The following ARHGEF37 variants were observed in gnomAD, a reference collection of about 807,000 sequenced individuals.
ARHGEF37 encodes Rho guanine nucleotide exchange factor (GEF) 37.
ARHGEF37 carries 55 observed loss-of-function variants against 71.1 expected under a neutral mutation model. The ratio of observed to expected loss-of-function variants is 0.77; its 90% CI spans 0.62 to 0.97. The LOEUF is 0.97. Among genes scored for constraint, ARHGEF37 ranks in the 50% least tolerant of loss-of-function variants. The probability of loss-of-function intolerance (pLI) is 0.00; values close to 1 mark genes in which losing one functional copy is unlikely to be tolerated. For missense variants in ARHGEF37, 765 were observed against 836.8 expected (o/e 0.91, Z 1.06); for synonymous variants, 327 against 350.6 (o/e 0.93, Z 0.75).
intron 1 of ARHGEF37, among the ~76,000 whole-genome samples, chr5:149,588,552 C>A (rs1162340739): frequency 2.6e-5 from 4 of 152,116 alleles, no homozygotes; most frequent in Non-Finnish European, 5.9e-5. Flanking sequence ...GCCCGCCTGA[C>A]CTTCCAAAGT....
intron 7 of ARHGEF37, 127 bp downstream of exon 7, chr5:149,619,169 T>C: frequency 1.3e-6 from 1 of 741,128 alleles, no homozygotes; most frequent in East Asian, 2.5e-5. Context: ...GAGGTCATCC[T>C]GTCTCATCTC....
chr5:149,630,109 G>A (rs1201849590), intron 12 of ARHGEF37, among the ~76,000 whole-genome samples: 1 of 152,184 alleles, frequency 6.6e-6, no homozygotes, highest in Non-Finnish European at 1.5e-5. Flanking sequence ...ATTAGATAGT[G>A]GGGATAGTTG....
intron 1 of ARHGEF37, among the ~76,000 whole-genome samples, chr5:149,572,048 AT>A (rs1285219809): frequency 6.6e-6 from 1 of 152,282 alleles, no homozygotes; most frequent in African/African-American, 2.4e-5. Context: ...AAGACTTTCT[AT>A]TATATAAAGC....
At chr5:149,588,631 G>A (rs1224768858) in intron 1 of ARHGEF37, among the ~76,000 whole-genome samples, 1 of 152,140 alleles carries the variant, frequency 6.6e-6, no homozygotes, top group African/African-American at 2.4e-5. Flanking sequence ...TTGCTCTCAT[G>A]ATGTCTGAGC....
intron 6 of ARHGEF37, among the ~76,000 whole-genome samples, 188 bp from the exon 7 acceptor site, chr5:149,618,750 T>C (rs1580928658): frequency 6.6e-6 from 1 of 152,160 alleles, no homozygotes; most frequent in African/African-American, 2.4e-5. Context: ...CTCATGCTTG[T>C]GTATCCGATT....
chr5:149,615,667 A>G (rs965013963), intron 4 of ARHGEF37, among the ~76,000 whole-genome samples: 1 of 152,004 alleles, frequency 6.6e-6, no homozygotes, highest in Admixed American at 6.5e-5. Context: ...CGAGGCGGGC[A>G]AATCACAAGG....
At chr5:149,620,309 C>A in intron 7 of ARHGEF37, 45 bp from the exon 8 acceptor site, 2 of 1,387,276 alleles carry the variant, frequency 1.4e-6, no homozygotes, top group Admixed American at 2.2e-5. Context: ...CGTAAGATGG[C>A]CATGACAGGC....
At chr5:149,613,661 G>A (rs1330773620) in intron 4 of ARHGEF37, among the ~76,000 whole-genome samples, 1 of 152,010 alleles carries the variant, frequency 6.6e-6, no homozygotes, top group African/African-American at 2.4e-5. Flanking sequence ...ATTTTTATGA[G>A]GCTGCTTCTA....
intron 1 of ARHGEF37, among the ~76,000 whole-genome samples, chr5:149,584,363 A>G (rs1048563539): frequency 7.7e-6 from 1 of 130,258 alleles, no homozygotes; most frequent in Non-Finnish European, 1.6e-5. Flanking sequence ...TTCCTCCAGG[A>G]AAGAGAGAGA....
At position 149,598,737 on chromosome 5, in the gene ARHGEF37, C is replaced by CATATATATATATATATATAT. The variant is rs201234693; in HGVS notation, c.186+794_186+795insATATATATATATATATATAT. Reference sequence around the variant, plus strand: ...ACAGAATTCCAGAAAAAATAAATCTCATATATATATATCTATATATAGATA... The same window carrying CATATATATATATATATATAT: ...ACAGAATTCCAGAAAAAATAAATCTCATATATATATATATATATATATATATATATATCTATATATAGATA... On this transcript the variant is annotated intron_variant, in intron 2 of 12. Coordinates refer to ENST00000333677, the MANE Select transcript of ARHGEF37 (RefSeq NM_001001669.3). 1.6e-3 allele frequency among the ~76,000 whole-genome samples: 163 copies of CATATATATATATATATATAT among 104,490 alleles called. 1 individual carries two copies. Among genetic ancestry groups the CATATATATATATATATATAT allele is most frequent in the African/African-American group, 5.5e-3 (156 of 28,434 alleles). 68.5% of individuals were successfully genotyped at this position (104,490 alleles called of 152,430 possible). A position where few individuals can be genotyped will look rare whatever the true frequency, so the allele number is the denominator to read the frequency against.
intron 10 of ARHGEF37, among the ~76,000 whole-genome samples, chr5:149,625,621 T>A (rs1006400661): frequency 1.3e-5 from 2 of 152,184 alleles, no homozygotes; most frequent in Non-Finnish European, 2.9e-5. Context: ...TTACTCTACA[T>A]GGAGAGTTTT....
chr5:149,567,038 A>G (rs1289691100), intron 1 of ARHGEF37, among the ~76,000 whole-genome samples: 2 of 152,208 alleles, frequency 1.3e-5, no homozygotes, highest in African/African-American at 4.8e-5. Context: ...GATTGTCTCA[A>G]TAATGATTTA....
intron 6 of ARHGEF37, 66 bp downstream of exon 6, chr5:149,618,372 G>A: frequency 1.9e-6 from 3 of 1,602,016 alleles, no homozygotes; most frequent in Non-Finnish European, 2.6e-6. Context: ...TGCACAGTGG[G>A]TAGACAGGGG....
intron 2 of ARHGEF37, 71 bp downstream of exon 2, chr5:149,598,026 C>A: frequency 6.7e-7 from 1 of 1,483,400 alleles, no homozygotes; most frequent in South Asian, 1.4e-5. Context: ...TGAGATTTCT[C>A]ATCCATTCCT....
chr5:149,570,750 C>T (rs1324178173), intron 1 of ARHGEF37, among the ~76,000 whole-genome samples: 7 of 151,114 alleles, frequency 4.6e-5, no homozygotes, highest in South Asian at 4.2e-4. Flanking sequence ...GTGGTGTGCA[C>T]CTGTAGTCCC....
At chr5:149,587,141 A>G (rs1763263356) in intron 1 of ARHGEF37, among the ~76,000 whole-genome samples, 1 of 152,200 alleles carries the variant, frequency 6.6e-6, no homozygotes, top group South Asian at 2.1e-4. Flanking sequence ...ATCAGTCTCT[A>G]TCATGGCTGA....
At chr5:149,621,676 C>A in intron 8 of ARHGEF37, 57 bp from the exon 9 acceptor site, 1 of 1,510,420 alleles carries the variant, frequency 6.6e-7, no homozygotes, top group Non-Finnish European at 9.0e-7. Context: ...CCCCTTCTCA[C>A]AGCCCCTGCC....
intron 1 of ARHGEF37, among the ~76,000 whole-genome samples, chr5:149,585,745 C>G (rs1030312988): frequency 2.0e-5 from 3 of 152,198 alleles, no homozygotes; most frequent in African/African-American, 7.2e-5. Context: ...TCTCGAACTC[C>G]TGACCTCAAG....
intron 1 of ARHGEF37, among the ~76,000 whole-genome samples, chr5:149,562,550 C>G (rs1376063976): frequency 2.0e-5 from 3 of 152,192 alleles, no homozygotes; most frequent in Non-Finnish European, 4.4e-5. Flanking sequence ...TCACGCTATC[C>G]TCCTGCCTCA....
Sources: gnomAD v4.1 joint callset for allele counts (sites outside exome capture counted in the v4.1 genomes callset) on GRCh38, gnomAD v4.1.1 for gene constraint, MANE v1.5 for transcripts, NCBI Gene and HGNC (gene_info 2026-07-23, HGNC 2026-07-21) for gene names.